The following WDR7 variants were observed in gnomAD, a reference collection of about 807,000 sequenced individuals.
The protein encoded by WDR7 is WD repeat domain 7, also known as WD repeat-containing protein 7.
A neutral mutation model predicts 169.4 loss-of-function variants in WDR7; 46 were observed. That is an observed-to-expected ratio of 0.27 (90% CI 0.21 to 0.35). The LOEUF (loss-of-function observed/expected upper bound fraction) is 0.35. Ranked by LOEUF, WDR7 falls within the 10% of genes least tolerant of loss-of-function variation. The pLI, the probability that WDR7 is intolerant of heterozygous loss-of-function variation, is 1.00. For missense variants in WDR7, 1,534 were observed against 1,859.3 expected (o/e 0.83, Z 3.22); for synonymous variants, 612 against 666.8 (o/e 0.92, Z 1.27).
At chr18:56,907,636 G>A (rs756656882) in intron 21 of WDR7, among the ~76,000 whole-genome samples, 19 of 152,058 alleles carry the variant, frequency 1.2e-4, no homozygotes, top group Admixed American at 6.6e-4. Context: ...CTTTAGGCTC[G>A]GTAATTTATT....
chr18:56,890,869 A>G (rs185713737), intron 21 of WDR7: 1 of 152,324 alleles, frequency 6.6e-6, no homozygotes, highest in East Asian at 1.9e-4. Context: ...CTGGACTTAC[A>G]TCACCATTAC....
At chr18:56,968,951 A>G (rs888081866) in intron 26 of WDR7, among the ~76,000 whole-genome samples, 4 of 152,136 alleles carry the variant, frequency 2.6e-5, no homozygotes, top group African/African-American at 4.8e-5. Context: ...CCTTTCATCT[A>G]TACTTTTTCC....
At chr18:56,972,485 AG>A (rs1011362043) in intron 26 of WDR7, among the ~76,000 whole-genome samples, 2 of 152,168 alleles carry the variant, frequency 1.3e-5, no homozygotes, top group African/African-American at 4.8e-5. Context: ...GTGACATTTT[AG>A]GTATTTTCTT....
At position 56,698,233 on chromosome 18, in the gene WDR7, G is replaced by A. The variant is rs141661545; in HGVS notation, c.1578+1771G>A. ...TTTGGAATGGCTTACACAAGGTCATGCTCTCTATTTGAATATGTTAATTAT... is the reference window on the plus strand; with the variant it reads ...TTTGGAATGGCTTACACAAGGTCATACTCTCTATTTGAATATGTTAATTAT... On this transcript the variant is annotated intron_variant, in intron 12 of 27. Transcript: ENST00000254442. 3.1e-3 allele frequency among the ~76,000 whole-genome samples: 466 copies of A among 151,948 alleles called. 7 individuals are homozygous for A. Among genetic ancestry groups the A allele is most frequent in the African/African-American group, 0.011 (448 of 41,476 alleles).
chr18:56,725,127 T>TC (rs1248593888), intron 13 of WDR7, among the ~76,000 whole-genome samples: 1 of 150,748 alleles, frequency 6.6e-6, no homozygotes, highest in African/African-American at 2.5e-5. Flanking sequence ...TGTGCATGTG[T>TC]CTTTATAGCC....
At chr18:56,760,623 A>T (rs2043967318) in intron 16 of WDR7, among the ~76,000 whole-genome samples, 1 of 152,178 alleles carries the variant, frequency 6.6e-6, no homozygotes, top group African/African-American at 2.4e-5. Flanking sequence ...TTTATAAATG[A>T]TTCTGCTATG....
intron 20 of WDR7, among the ~76,000 whole-genome samples, chr18:56,878,795 T>C (rs2046064560): frequency 6.6e-6 from 1 of 152,226 alleles, no homozygotes; most frequent in South Asian, 2.1e-4. Flanking sequence ...ACATTTCATA[T>C]AAATGGAATC....
chr18:56,983,590 GAGAGAGAA>G, intron 26 of WDR7, among the ~76,000 whole-genome samples: 1 of 141,714 alleles, frequency 7.1e-6, no homozygotes, highest in South Asian at 2.3e-4. Flanking sequence ...GAGAGAGAGA[GAGAGAGAA>G]ATAAACTCCC....
At chr18:56,717,847 T>C (rs921474040) in intron 12 of WDR7, 117 bp from the exon 13 acceptor site, 3 of 897,416 alleles carry the variant, frequency 3.3e-6, no homozygotes, top group Admixed American at 6.1e-5. Flanking sequence ...CCTAATATTG[T>C]GGTGGTTTTT....
chr18:56,701,477 T>A lies in WDR7; in HGVS notation c.1578+5015T>A, dbSNP rs2025833677. On this transcript the variant is annotated intron_variant, in intron 12 of 27. Coordinates refer to ENST00000254442, the MANE Select transcript of WDR7 (RefSeq NM_015285.3). ...GATATAAAGTCCTATACCATTTTTA[T>A]CATTCCAAGTTATGTTTATTATTTT... 1.3e-5 allele frequency among the ~76,000 whole-genome samples: 2 copies of A among 152,258 alleles called. 1 individual carries two copies. The highest frequency in any genetic ancestry group is 4.1e-4 in the South Asian group (2 of 4,836).
intron 26 of WDR7, among the ~76,000 whole-genome samples, chr18:56,995,832 C>T (rs565396588): frequency 6.6e-6 from 1 of 152,300 alleles, no homozygotes; most frequent in East Asian, 1.9e-4. Flanking sequence ...GTGATGTGTG[C>T]ATGTCCGTGG....
At chr18:56,816,912 A>G (rs905419644) in intron 20 of WDR7, among the ~76,000 whole-genome samples, 6 of 152,238 alleles carry the variant, frequency 3.9e-5, no homozygotes, top group African/African-American at 1.2e-4. Context: ...AGCAACAAAT[A>G]TTAATTTAAT....
intron 20 of WDR7, among the ~76,000 whole-genome samples, chr18:56,849,149 T>A (rs2576415): frequency 0.29 from 43,446 of 152,006 alleles, 7,990 homozygotes; most frequent in African/African-American, 0.53. Context: ...ATGCTTCTTC[T>A]TTAGCCATTC....
intron 19 of WDR7, among the ~76,000 whole-genome samples, chr18:56,810,625 T>G (rs910676636): frequency 2.4e-4 from 36 of 152,266 alleles, no homozygotes; most frequent in African/African-American, 8.7e-4. Flanking sequence ...CGAATTTTGC[T>G]TTCTTATTGT....
intron 20 of WDR7, among the ~76,000 whole-genome samples, chr18:56,870,024 T>G (rs1375830918): frequency 6.6e-6 from 1 of 152,166 alleles, no homozygotes; most frequent in Non-Finnish European, 1.5e-5. Context: ...CTTGGGTCCT[T>G]TCTCCCAAGC....
chr18:57,030,704 C>T (rs1226971699), downstream of WDR7: 2 of 152,006 alleles, frequency 1.3e-5, no homozygotes, highest in African/African-American at 2.4e-5. Flanking sequence ...TTGACAAGGC[C>T]AAGATAATCC....
chr18:56,861,980 A>G (rs1012667544), intron 20 of WDR7, among the ~76,000 whole-genome samples: 2 of 152,044 alleles, frequency 1.3e-5, no homozygotes, highest in Non-Finnish European at 2.9e-5. Context: ...ATTTCTTTAT[A>G]TAAATTGATG....
At chr18:56,788,343 C>T (rs1167431447) in intron 19 of WDR7, among the ~76,000 whole-genome samples, 2 of 152,112 alleles carry the variant, frequency 1.3e-5, no homozygotes, top group African/African-American at 4.8e-5. Context: ...TTCCTTCCTC[C>T]TCTTTTTTAT....
intron 20 of WDR7, among the ~76,000 whole-genome samples, chr18:56,841,898 C>T (rs897165703): frequency 2.6e-5 from 4 of 152,052 alleles, no homozygotes; most frequent in African/African-American, 9.7e-5. Context: ...TATAACTTTT[C>T]CTACTTTTTT....
Sources: allele counts gnomAD v4.1 joint callset (sites outside exome capture counted in the v4.1 genomes callset), GRCh38; gene constraint gnomAD v4.1.1; transcripts MANE v1.5; gene names NCBI Gene and HGNC (gene_info 2026-07-23, HGNC 2026-07-21).